Variants in DOCK8 observed in about 807,000 individuals in gnomAD.
DOCK8 encodes dedicator of cytokinesis protein 8.
Under a neutral mutation model 245.6 loss-of-function variants are expected in DOCK8, and 141 were observed. The ratio of observed to expected loss-of-function variants is 0.57; its 90% CI spans 0.50 to 0.66. DOCK8 has a LOEUF of 0.66. Among genes scored for constraint, DOCK8 ranks in the 30% least tolerant of loss-of-function variants. The pLI, the probability that DOCK8 is intolerant of heterozygous loss-of-function variation, is 0.00. For missense variants in DOCK8, 2,965 were observed against 2,603.4 expected (o/e 1.14, Z -3.02); for synonymous variants, 1,168 against 970.2 (o/e 1.20, Z -3.79).
intron 2 of DOCK8, among the ~76,000 whole-genome samples, chr9:277,538 C>G (rs972339796): frequency 1.1e-4 from 15 of 140,742 alleles, no homozygotes; most frequent in African/African-American, 4.3e-4. Context: ...GAGACCCTGT[C>G]TCAGAGGAAA....
intron 4 of DOCK8, among the ~76,000 whole-genome samples, chr9:298,337 ATTGC>A (rs1403805429): frequency 6.6e-6 from 1 of 152,168 alleles, no homozygotes. Flanking sequence ...AGACAGGAGA[ATTGC>A]TTCAACTCGG....
intron 1 of DOCK8, among the ~76,000 whole-genome samples, chr9:244,353 TCAA>T (rs1164153168): frequency 6.6e-6 from 1 of 151,996 alleles, no homozygotes; most frequent in African/African-American, 2.4e-5. Context: ...TCCAATTCAT[TCAA>T]CATTTTCTAT....
intron 2 of DOCK8, chr9:284,229 A>G (rs900531372): frequency 6.6e-6 from 1 of 152,278 alleles, no homozygotes; most frequent in Non-Finnish European, 1.5e-5. Flanking sequence ...TGGCAGATGC[A>G]TTTGTCTTGT....
intron 44 of DOCK8, among the ~76,000 whole-genome samples, chr9:448,295 CAG>C (rs2057326646): frequency 6.6e-6 from 1 of 152,116 alleles, no homozygotes; most frequent in African/African-American, 2.4e-5. Context: ...TTGTAAGAGA[CAG>C]GGGTCTTACT....
At chr9:407,106 A>G (rs1416755377) in intron 28 of DOCK8, 37 bp downstream of exon 28, 1 of 1,613,836 alleles carries the variant, frequency 6.2e-7, no homozygotes. Flanking sequence ...GATGAAGCCA[A>G]AAAAACAGAT....
At chr9:412,404 C>CAAAA (rs59340573) in intron 28 of DOCK8, among the ~76,000 whole-genome samples, 2 of 100,790 alleles carry the variant, frequency 2.0e-5, no homozygotes, top group African/African-American at 3.4e-5. Flanking sequence ...GACCCTGTCT[C>CAAAA]AAAAAAAAAA....
intron 22 of DOCK8, among the ~76,000 whole-genome samples, chr9:384,603 T>G (rs2053868939): frequency 6.6e-6 from 1 of 152,170 alleles, no homozygotes; most frequent in Non-Finnish European, 1.5e-5. Context: ...TTAAGAACCA[T>G]CTACCCTGGG....
intron 18 of DOCK8, among the ~76,000 whole-genome samples, chr9:372,552 A>G (rs2053340066): frequency 6.6e-6 from 1 of 152,254 alleles, no homozygotes; most frequent in South Asian, 2.1e-4. Flanking sequence ...AGAATAATGT[A>G]TTATAGAAGA....
chr9:212,248 G>C (rs2046630962), upstream of DOCK8, among the ~76,000 whole-genome samples: 1 of 152,218 alleles, frequency 6.6e-6, no homozygotes, highest in Non-Finnish European at 1.5e-5. Flanking sequence ...ATGCAATGTA[G>C]AGAAAGAGGT....
At chr9:313,277 A>G (rs953313785) in intron 6 of DOCK8, among the ~76,000 whole-genome samples, 2 of 152,236 alleles carry the variant, frequency 1.3e-5, no homozygotes, top group African/African-American at 4.8e-5. Context: ...TTCTGCTGAG[A>G]TAATACAAAC....
At chr9:271,135 G>A (rs560596562) in intron 1 of DOCK8, among the ~76,000 whole-genome samples, 1 of 152,344 alleles carries the variant, frequency 6.6e-6, no homozygotes, top group Non-Finnish European at 1.5e-5. Context: ...CATCGAAGGT[G>A]CCTACAGGGA....
At chr9:250,284 A>C (rs1039259137) in intron 1 of DOCK8, among the ~76,000 whole-genome samples, 1 of 152,184 alleles carries the variant, frequency 6.6e-6, no homozygotes, top group Non-Finnish European at 1.5e-5. Context: ...GCTTTGTAGA[A>C]ATTCCTTTCT....
At chr9:378,368 T>C (rs1563984447) in intron 20 of DOCK8, among the ~76,000 whole-genome samples, 2 of 152,106 alleles carry the variant, frequency 1.3e-5, no homozygotes, top group Non-Finnish European at 1.5e-5. Flanking sequence ...AGTAGCACAG[T>C]TGGTGGTGGA....
chr9:267,241 G>C (rs1265801070), intron 1 of DOCK8, among the ~76,000 whole-genome samples: 1 of 152,148 alleles, frequency 6.6e-6, no homozygotes, highest in Admixed American at 6.5e-5. Flanking sequence ...GTCTCACTTT[G>C]TCACCCAAGC....
chr9:434,534 A>AT (rs1159806004), intron 38 of DOCK8, among the ~76,000 whole-genome samples: 1 of 151,936 alleles, frequency 6.6e-6, no homozygotes, highest in African/African-American at 2.4e-5. Flanking sequence ...GTTATCAGGT[A>AT]TTTTTTCCCC....
At chr9:350,180 C>A (rs2052091579) in intron 14 of DOCK8, among the ~76,000 whole-genome samples, 2 of 152,160 alleles carry the variant, frequency 1.3e-5, no homozygotes, top group Non-Finnish European at 2.9e-5. Context: ...TGGTACGATT[C>A]TAGCTCACTG....
upstream of DOCK8, chr9:212,879 T>G (rs1186195417): frequency 1.3e-5 from 2 of 152,240 alleles, no homozygotes; most frequent in African/African-American, 2.4e-5. Flanking sequence ...TTGTTCTATA[T>G]GAAAATGTAT....
At chr9:288,951 C>G (rs568040094) in intron 3 of DOCK8, among the ~76,000 whole-genome samples, 3 of 152,276 alleles carry the variant, frequency 2.0e-5, no homozygotes, top group Admixed American at 2.0e-4. Context: ...TTTTTGATTT[C>G]AAGACTCTGA....
chr9:213,656 G>A (rs1437180658), upstream of DOCK8: 2 of 151,970 alleles, frequency 1.3e-5, no homozygotes, highest in Non-Finnish European at 2.9e-5. Flanking sequence ...ATGCCGAGTG[G>A]TCAATAGCCA....
Sources: allele counts gnomAD v4.1 joint callset (sites outside exome capture counted in the v4.1 genomes callset), GRCh38; gene constraint gnomAD v4.1.1; transcripts MANE v1.5; gene names NCBI Gene and HGNC (gene_info 2026-07-23, HGNC 2026-07-21).